The following EXOC6 variants were observed in gnomAD, a reference collection of about 807,000 sequenced individuals.
EXOC6 encodes exocyst complex component 6, also known as SEC15-like 1.
EXOC6 carries 60 observed loss-of-function variants against 112.5 expected under a neutral mutation model. That is an observed-to-expected ratio of 0.53 (90% CI 0.43 to 0.66). EXOC6 has a LOEUF of 0.66. Ranked by LOEUF, EXOC6 falls within the 30% of genes least tolerant of loss-of-function variation. EXOC6 has a pLI of 0.00. For missense variants in EXOC6, 855 were observed against 957.1 expected (o/e 0.89, Z 1.41); for synonymous variants, 295 against 308.0 (o/e 0.96, Z 0.44).
chr10:93,006,048 C>G (rs1843962961), intron 19 of EXOC6, among the ~76,000 whole-genome samples: 1 of 152,048 alleles, frequency 6.6e-6, no homozygotes, highest in Non-Finnish European at 1.5e-5. Flanking sequence ...TAGTCCCAGC[C>G]ACTCAGGAGG....
intron 20 of EXOC6, among the ~76,000 whole-genome samples, chr10:93,039,818 A>G (rs1273256523): frequency 6.6e-6 from 1 of 152,034 alleles, no homozygotes; most frequent in African/African-American, 2.4e-5. Flanking sequence ...CCTCATTGCA[A>G]TGTAAATGGC....
In EXOC6 at chr10:92,894,993, G is replaced by T. The variant is rs1412970842; in HGVS notation, c.385G>T (p.Val129Leu). Residue 129 changes from valine (V) to leucine (L), a missense_variant, in exon 4 of 22, where the codon GTA (valine) becomes TTA (leucine). Physicochemically the swap from Val to Leu is conservative, Grantham distance 32. Transcript: ENST00000260762. ...TCAGCAGAGAAATATTACAACTGTA[G>T]TAGAAAAATTGCAGTTATGCCTTCC... ...RIQQRNITTV[V>L]EKLQLCLPVL... The T allele has an allele frequency of 6.2e-6, 10 of 1,611,338 alleles. No homozygotes were observed. The highest frequency in any genetic ancestry group is 8.5e-6 in the Non-Finnish European group (10 of 1,177,666).
intron 4 of EXOC6, among the ~76,000 whole-genome samples, chr10:92,896,552 T>A (rs1200244009): frequency 6.6e-6 from 1 of 150,418 alleles, no homozygotes; most frequent in Non-Finnish European, 1.5e-5. Context: ...TTGTTAAAAC[T>A]GTTAGCAGAT....
chr10:93,030,065 C>T (rs1473370146), intron 20 of EXOC6, among the ~76,000 whole-genome samples: 1 of 152,144 alleles, frequency 6.6e-6, no homozygotes, highest in South Asian at 2.1e-4. Context: ...TGTGCCACCA[C>T]GCCCGGCTAA....
chr10:92,918,631 C>T (rs1400766015), intron 7 of EXOC6, among the ~76,000 whole-genome samples: 1 of 152,012 alleles, frequency 6.6e-6, no homozygotes, highest in Admixed American at 6.6e-5. Flanking sequence ...GCCGTGTTGT[C>T]CAGGCTGGTC....
intron 8 of EXOC6, among the ~76,000 whole-genome samples, chr10:92,927,816 A>T (rs1448239732): frequency 1.3e-5 from 2 of 152,226 alleles, no homozygotes; most frequent in African/African-American, 4.8e-5. Flanking sequence ...GTCCTGAAGG[A>T]TGAGTAAAAA....
chr10:93,058,589 G>A lies in EXOC6; in HGVS notation c.*234G>A. 3.0e-6 allele frequency: 1 copy of A among 338,062 alleles called. No homozygotes were observed. 20.9% of individuals were successfully genotyped at this position (338,062 alleles called of 1,614,324 possible). On this transcript the variant is annotated 3_prime_UTR_variant, in exon 22 of 22. Coordinates refer to ENST00000260762, the MANE Select transcript of EXOC6 (RefSeq NM_019053.6). Reference sequence around the variant, plus strand: ...CATTTTTTCACTTTTAGGGGAAAATGCAAAAGTGTAATACATAAATTGTCA... The same window carrying A: ...CATTTTTTCACTTTTAGGGGAAAATACAAAAGTGTAATACATAAATTGTCA...
At chr10:93,041,249 C>G (rs1166357483) in intron 20 of EXOC6, among the ~76,000 whole-genome samples, 1 of 151,882 alleles carries the variant, frequency 6.6e-6, no homozygotes, top group Non-Finnish European at 1.5e-5. Flanking sequence ...ATCATTTTCT[C>G]TCTATCCCAA....
chr10:92,905,681 G>C (rs1190493086), intron 5 of EXOC6, among the ~76,000 whole-genome samples: 3 of 152,054 alleles, frequency 2.0e-5, no homozygotes, highest in African/African-American at 7.2e-5. Context: ...AAAGCATCTT[G>C]TTTCTCACCA....
chr10:92,945,788 G>A (rs140319129), intron 13 of EXOC6, among the ~76,000 whole-genome samples: 7 of 152,214 alleles, frequency 4.6e-5, no homozygotes, highest in African/African-American at 1.4e-4. Context: ...TTCTGCCTGC[G>A]TCAGCCTCCC....
At chr10:92,869,310 T>TAAA (rs528889952) in intron 1 of EXOC6, among the ~76,000 whole-genome samples, 1 of 143,106 alleles carries the variant, frequency 7.0e-6, no homozygotes. Context: ...CCCTTTCTTT[T>TAAA]AAAAAAAAAA....
chr10:92,962,689 C>T lies in EXOC6; in HGVS notation c.1773+6975C>T, dbSNP rs12262000. Among the ~76,000 whole-genome samples, 329 of 152,240 alleles carry T rather than the reference C, an allele frequency of 2.2e-3. 2 individuals carry two copies. The highest frequency in any genetic ancestry group is 7.7e-3 in the African/African-American group (318 of 41,538). Reference sequence around the variant, plus strand: ...ATTACACGTGTAAGCCGCTGTCAGGCCCTAAAGTGCATTTCTGTGGTACTG... The same window carrying T: ...ATTACACGTGTAAGCCGCTGTCAGGTCCTAAAGTGCATTTCTGTGGTACTG... On this transcript the variant is annotated intron_variant, in intron 17 of 21. Transcript: ENST00000260762.
Position 92,894,934 on chromosome 10 carries a change from T to C in EXOC6, c.326T>C (p.Ile109Thr). The change falls in exon 4 of 22, where the codon ATA becomes ACA. Residue 109 changes from isoleucine to threonine, a missense_variant. Coordinates refer to ENST00000260762, the MANE Select transcript of EXOC6 (RefSeq NM_019053.6). ...GAACATTCCTTCTTTTCTAAGGTGA[T>C]AGTCCACACAGAAGATATCATTCGA... is the stretch of plus-strand genomic sequence containing the variant. ...RRFQDAGKEV[I>T]VHTEDIIRCR... 1 of 1,610,058 alleles carries C rather than the reference T, an allele frequency of 6.2e-7. No homozygotes were observed. Among genetic ancestry groups the C allele is most frequent in the Non-Finnish European group, 8.5e-7 (1 of 1,176,490 alleles).
At chr10:93,036,087 G>A (rs912740564) in intron 20 of EXOC6, among the ~76,000 whole-genome samples, 6 of 151,850 alleles carry the variant, frequency 4.0e-5, no homozygotes, top group Admixed American at 6.6e-5. Context: ...GCATGATGGC[G>A]CATGCCTGTA....
At chr10:92,968,182 C>CT (rs10593908) in intron 17 of EXOC6, among the ~76,000 whole-genome samples, 21 of 135,376 alleles carry the variant, frequency 1.6e-4, no homozygotes, top group Middle Eastern at 3.6e-3. Flanking sequence ...AGTGTTTCAC[C>CT]TTTTTTTTTT....
intron 13 of EXOC6, among the ~76,000 whole-genome samples, chr10:92,942,771 T>C (rs61862321): frequency 0.011 from 1,716 of 152,262 alleles, 19 homozygotes; most frequent in Non-Finnish European, 0.017. Context: ...TAGATTGTAT[T>C]GGGCCAGCTA....
At chr10:92,894,728 G>C in intron 2 of EXOC6, 66 bp from the exon 3 acceptor site, 1 of 1,230,704 alleles carries the variant, frequency 8.1e-7, no homozygotes. Context: ...GATTACAAGG[G>C]TGAGCAGTTA....
chr10:92,986,914 GTTT>G (rs913180924), intron 18 of EXOC6, among the ~76,000 whole-genome samples: 1 of 151,842 alleles, frequency 6.6e-6, no homozygotes, highest in African/African-American at 2.4e-5. Context: ...CAGTGATTTA[GTTT>G]TTACTTTGAC....
intron 12 of EXOC6, among the ~76,000 whole-genome samples, chr10:92,940,258 G>A (rs73317333): frequency 2.7e-4 from 41 of 152,232 alleles, no homozygotes; most frequent in African/African-American, 9.4e-4. Context: ...AATAAAATTC[G>A]GAAGTGTGAA....
Sources: allele counts gnomAD v4.1 joint callset (sites outside exome capture counted in the v4.1 genomes callset), GRCh38; gene constraint gnomAD v4.1.1; transcripts MANE v1.5; gene names NCBI Gene and HGNC (gene_info 2026-07-23, HGNC 2026-07-21).